DPP4: variants seen among roughly 807,000 people sequenced by gnomAD.
The protein encoded by DPP4 is dipeptidyl peptidase 4.
DPP4 carries 93 observed loss-of-function variants against 122.4 expected under a neutral mutation model. That is an observed-to-expected ratio of 0.76 (90% CI 0.64 to 0.90). The LOEUF (loss-of-function observed/expected upper bound fraction) is 0.90. Among genes scored for constraint, DPP4 ranks in the 40% least tolerant of loss-of-function variants. DPP4 has a pLI of 0.00. For missense variants in DPP4, 914 were observed against 907.3 expected (o/e 1.01, Z -0.09); for synonymous variants, 321 against 302.9 (o/e 1.06, Z -0.62).
At chr2:162,005,935 G>A in intron 22 of DPP4, 126 bp from the exon 23 acceptor site, 1 of 773,886 alleles carries the variant, frequency 1.3e-6, no homozygotes, top group Non-Finnish European at 2.1e-6. Flanking sequence ...GTTACTCTCA[G>A]AAGTATCTCT....
intron 23 of DPP4, 90 bp from the exon 24 acceptor site, chr2:161,995,462 G>T: frequency 7.8e-7 from 1 of 1,275,658 alleles, no homozygotes; most frequent in Non-Finnish European, 1.1e-6. Context: ...AATGTTTTCA[G>T]CTGGGGCCCC....
chr2:162,045,741 G>A, intron 4 of DPP4, 129 bp from the exon 5 acceptor site: 1 of 636,376 alleles, frequency 1.6e-6, no homozygotes. Flanking sequence ...TCTAGCAGAG[G>A]TGGCATATTC....
At chr2:162,028,057 T>TA (rs201617035) in intron 10 of DPP4, among the ~76,000 whole-genome samples, 1,848 of 133,752 alleles carry the variant, frequency 0.014, 21 homozygotes, top group Non-Finnish European at 0.018. Context: ...AAGAATCATT[T>TA]AAAAAAAAAA....
At chr2:162,009,768 A>C (rs1201139741) in intron 20 of DPP4, among the ~76,000 whole-genome samples, 1 of 152,202 alleles carries the variant, frequency 6.6e-6, no homozygotes, top group Non-Finnish European at 1.5e-5. Context: ...TGAGAACTTA[A>C]ACACCATTCT....
chr2:161,995,444 C>T, intron 23 of DPP4, 72 bp from the exon 24 acceptor site: 1 of 1,424,748 alleles, frequency 7.0e-7, no homozygotes, highest in East Asian at 2.3e-5. Flanking sequence ...CTTCAGTTTA[C>T]AAAATAAAAT....
At chr2:162,037,825 A>G (rs910870516) in intron 8 of DPP4, among the ~76,000 whole-genome samples, 2 of 152,174 alleles carry the variant, frequency 1.3e-5, no homozygotes, top group Non-Finnish European at 2.9e-5. Flanking sequence ...AGGAAATCAT[A>G]ATTTGTCCAA....
rs1359967691 is a variant in DPP4, at chr2:161,993,397, A to T, written c.2200-13T>A. ...CATCAGTATACCACTAGAGAGAGAA[A>T]GAAAAGAAGTTAGAATTAGGAAGTC... On this transcript the variant is annotated splice_polypyrimidine_tract_variant and intron_variant, in intron 25 of 25. Coordinates refer to ENST00000360534, the MANE Select transcript of DPP4 (RefSeq NM_001935.4). 6.3e-7 allele frequency: 1 copy of T among 1,586,448 alleles called. No homozygotes were observed. Among genetic ancestry groups the T allele is most frequent in the Non-Finnish European group, 8.6e-7 (1 of 1,156,694 alleles).
chr2:162,042,723 T>C (rs914106163), intron 5 of DPP4, among the ~76,000 whole-genome samples: 7 of 152,204 alleles, frequency 4.6e-5, no homozygotes, highest in African/African-American at 1.4e-4. Flanking sequence ...CATTTAACAA[T>C]GATGTTCAGC....
At chr2:162,002,484 C>T (rs1701175327) in intron 23 of DPP4, among the ~76,000 whole-genome samples, 1 of 152,190 alleles carries the variant, frequency 6.6e-6, no homozygotes, top group East Asian at 1.9e-4. Flanking sequence ...TTGTTACACA[C>T]TTTGGTCATT....
At chr2:162,070,215 C>T (rs1465627124) in intron 2 of DPP4, among the ~76,000 whole-genome samples, 2 of 152,100 alleles carry the variant, frequency 1.3e-5, no homozygotes, top group Admixed American at 6.5e-5. Flanking sequence ...ATTATATACA[C>T]AGAAGAGGGT....
rs183226777 is a variant in DPP4, at chr2:162,069,714, G to T, written c.94+3685C>A. On this transcript the variant is annotated intron_variant, in intron 2 of 25. Transcript: ENST00000360534. Reference sequence around the variant, plus strand: ...AAACATACAAAGCTTTCATTCAGGCGCATTTCTGTGCTTTAAACCTGGAAC... The same window carrying T: ...AAACATACAAAGCTTTCATTCAGGCTCATTTCTGTGCTTTAAACCTGGAAC... 2.0e-5 allele frequency among the ~76,000 whole-genome samples: 3 copies of T among 152,212 alleles called. No homozygotes were observed. In the South Asian group the frequency reaches 6.2e-4, roughly 32 times the overall value.
chr2:161,992,362 G>A lies in DPP4; in HGVS notation c.*921C>T, dbSNP rs201555669. The A allele has an allele frequency of 6.6e-6, 1 of 152,336 alleles. No homozygotes were observed. Among genetic ancestry groups the A allele is most frequent in the South Asian group, 2.1e-4 (1 of 4,822 alleles). The allele number at this position is 152,336 out of a possible 1,614,324, so 9.4% of individuals were successfully genotyped here. Reference sequence around the variant, plus strand: ...GTTCCATTTTTTAAAATGAGTCCAAGGAAGTTAAAATATTCTTTTAATTAA... The same window carrying A: ...GTTCCATTTTTTAAAATGAGTCCAAAGAAGTTAAAATATTCTTTTAATTAA... On this transcript the variant is annotated 3_prime_UTR_variant, in exon 26 of 26. Transcript: ENST00000360534.
chr2:161,995,450 A>G, intron 23 of DPP4, 78 bp from the exon 24 acceptor site: 1 of 1,411,406 alleles, frequency 7.1e-7, no homozygotes, highest in Non-Finnish European at 1.0e-6. Context: ...TTTACAAAAT[A>G]AAATGTTTTC....
chr2:162,071,059 C>T (rs148976338), intron 2 of DPP4, among the ~76,000 whole-genome samples: 106 of 152,294 alleles, frequency 7.0e-4, no homozygotes, highest in African/African-American at 2.4e-3. Flanking sequence ...GGCCATTTCC[C>T]TCACTTCCCC....
At chr2:162,013,111 C>A in intron 19 of DPP4, among the ~76,000 whole-genome samples, 1 of 148,820 alleles carries the variant, frequency 6.7e-6, no homozygotes, top group Middle Eastern at 3.5e-3. Context: ...GTTCCCTAAC[C>A]CCAAGATTAA....
chr2:161,997,903 C>T (rs1701046797), intron 23 of DPP4, among the ~76,000 whole-genome samples: 1 of 152,138 alleles, frequency 6.6e-6, no homozygotes, highest in Admixed American at 6.5e-5. Flanking sequence ...TTTTTACTTC[C>T]TACATTGCAC....
intron 11 of DPP4, 79 bp from the exon 12 acceptor site, chr2:162,022,878 A>G: frequency 7.2e-7 from 1 of 1,393,692 alleles, no homozygotes. Context: ...TGGTAATATA[A>G]ATAGAGCTGT....
chr2:162,020,318 CAAAAA>C, intron 13 of DPP4, 22 bp from the exon 14 acceptor site: 3 of 950,088 alleles, frequency 3.2e-6, no homozygotes, highest in Non-Finnish European at 3.0e-6. Context: ...TTTTTTTTTT[CAAAAA>C]AAAAAAAAAG....
chr2:161,995,813 C>G (rs890856355), intron 23 of DPP4, among the ~76,000 whole-genome samples: 1 of 152,230 alleles, frequency 6.6e-6, no homozygotes, highest in Non-Finnish European at 1.5e-5. Context: ...AGAGCCTGTA[C>G]ATAGCATTTG....
Sources: allele counts gnomAD v4.1 joint callset (sites outside exome capture counted in the v4.1 genomes callset), GRCh38; gene constraint gnomAD v4.1.1; transcripts MANE v1.5; gene names NCBI Gene and HGNC (gene_info 2026-07-23, HGNC 2026-07-21).